Variants in ALPK2 observed in about 807,000 individuals in gnomAD.
The protein encoded by ALPK2 is alpha-protein kinase 2.
In ALPK2, 127 loss-of-function variants were observed where a neutral mutation model predicts 163.1. That is an observed-to-expected ratio of 0.78 (90% CI 0.67 to 0.90). The LOEUF is 0.90. Among genes scored for constraint, ALPK2 ranks in the 40% least tolerant of loss-of-function variants. The probability of loss-of-function intolerance (pLI) is 0.00; values close to 1 mark genes in which losing one functional copy is unlikely to be tolerated. For missense variants in ALPK2, 2,360 were observed against 2,589.6 expected (o/e 0.91, Z 1.92); for synonymous variants, 953 against 959.1 (o/e 0.99, Z 0.12).
intron 4 of ALPK2, 43 bp downstream of exon 4, chr18:58,578,771 C>CACACACACACACACACACACACT: frequency 5.1e-6 from 8 of 1,562,110 alleles, no homozygotes; most frequent in African/African-American, 1.4e-5. Context: ...CACACACACA[C>CACACACACACACACACACACACT]GGTTCTTTTT....
intron 4 of ALPK2, among the ~76,000 whole-genome samples, chr18:58,539,691 G>A (rs878860967): frequency 5.3e-5 from 8 of 152,186 alleles, no homozygotes; most frequent in Non-Finnish European, 7.3e-5. Context: ...CTGTCTCCCA[G>A]CGTATGACAA....
chr18:58,510,668 A>G (rs1057336817), intron 10 of ALPK2, among the ~76,000 whole-genome samples: 3 of 152,196 alleles, frequency 2.0e-5, no homozygotes, highest in Non-Finnish European at 4.4e-5. Flanking sequence ...GAGTTCACTC[A>G]TGATTTGGCT....
At chr18:58,604,489 C>T (rs1354257862) in intron 3 of ALPK2, among the ~76,000 whole-genome samples, 1 of 152,102 alleles carries the variant, frequency 6.6e-6, no homozygotes, top group Non-Finnish European at 1.5e-5. Flanking sequence ...TGGTCAAGCG[C>T]GAAGCCCAAG....
chr18:58,503,849 T>A (rs925495794), intron 11 of ALPK2, 82 bp downstream of exon 11: 4 of 1,367,250 alleles, frequency 2.9e-6, no homozygotes, highest in Non-Finnish European at 4.0e-6. Context: ...CTATCCTTCC[T>A]CTCCCTCCCC....
intron 8 of ALPK2, among the ~76,000 whole-genome samples, chr18:58,521,623 C>CTTTTTTTTTTTTTTTTT: frequency 1.8e-5 from 1 of 54,420 alleles, no homozygotes; most frequent in Non-Finnish European, 3.9e-5. Context: ...TTCTTTCTCT[C>CTTTTTTTTTTTTTTTTT]TCTCTTTTTT....
intron 3 of ALPK2, among the ~76,000 whole-genome samples, chr18:58,594,233 A>G (rs2052030341): frequency 6.6e-6 from 1 of 152,170 alleles, no homozygotes; most frequent in African/African-American, 2.4e-5. Context: ...TCTGGGAGCA[A>G]CGCAGACCCA....
intron 4 of ALPK2, among the ~76,000 whole-genome samples, chr18:58,551,203 A>G: frequency 6.6e-6 from 1 of 152,258 alleles, no homozygotes; most frequent in East Asian, 1.9e-4. Flanking sequence ...AATGACCACA[A>G]ACTGGGCAGC....
chr18:58,513,872 T>TA (rs35585637), intron 10 of ALPK2, among the ~76,000 whole-genome samples: 4 of 151,878 alleles, frequency 2.6e-5, no homozygotes, highest in African/African-American at 9.7e-5. Flanking sequence ...CCATGTCTCT[T>TA]AAAAAAAATA....
rs141939883 is a variant in ALPK2 at position 58,481,392 on chromosome 18, G to T, written c.*431C>A. ...ACAACTTGATCCAGTGAGCGAATTCGTGATTTCTGTTTACATCACAGCAGG... is the reference window on the plus strand; with the variant it reads ...ACAACTTGATCCAGTGAGCGAATTCTTGATTTCTGTTTACATCACAGCAGG... On this transcript the variant is annotated 3_prime_UTR_variant, in exon 13 of 13. Transcript: ENST00000361673. 4.4e-4 allele frequency: 73 copies of T among 167,400 alleles called. No individual in the cohort carries two copies. Among genetic ancestry groups the T allele is most frequent in the African/African-American group, 1.7e-3 (71 of 41,782 alleles). The allele number at this position is 167,400 out of a possible 1,614,324, so 10.4% of individuals were successfully genotyped here. A position where few individuals can be genotyped will look rare whatever the true frequency, so the allele number is the denominator to read the frequency against.
chr18:58,584,451 G>C (rs566306604), intron 3 of ALPK2, among the ~76,000 whole-genome samples: 1 of 152,360 alleles, frequency 6.6e-6, no homozygotes, highest in East Asian at 1.9e-4. Context: ...AAGCCATAGA[G>C]CCGGGATAAG....
At chr18:58,617,498 T>C (rs2052176125) in intron 1 of ALPK2, among the ~76,000 whole-genome samples, 1 of 152,174 alleles carries the variant, frequency 6.6e-6, no homozygotes, top group African/African-American at 2.4e-5. Context: ...ACTTCTTTCT[T>C]TTTAAAAATT....
intron 3 of ALPK2, among the ~76,000 whole-genome samples, chr18:58,597,758 T>A (rs548969905): frequency 6.6e-6 from 1 of 152,312 alleles, no homozygotes; most frequent in African/African-American, 2.4e-5. Flanking sequence ...CACCAAGTCA[T>A]ATGTTGAAGC....
intron 9 of ALPK2, 138 bp from the exon 10 acceptor site, chr18:58,515,219 G>A: frequency 1.8e-6 from 1 of 571,316 alleles, no homozygotes; most frequent in Non-Finnish European, 2.9e-6. Flanking sequence ...TGGGGTCACA[G>A]AGGCAACGAT....
chr18:58,613,418 G>A lies in ALPK2; in HGVS notation c.-20-1601C>T, dbSNP rs2052145190. 2.6e-5 allele frequency among the ~76,000 whole-genome samples: 4 copies of A among 152,118 alleles called. No individual in the cohort carries two copies. The South Asian group carries it at 6.2e-4, about 24-fold the overall frequency. ...TTAAACCAAAGACAGCACCTGGCCCGGCATGGTGGCTCACGCCTCTCATCC... is the reference window on the plus strand; with the variant it reads ...TTAAACCAAAGACAGCACCTGGCCCAGCATGGTGGCTCACGCCTCTCATCC... On this transcript the variant is annotated intron_variant, in intron 1 of 12. Transcript: ENST00000361673.
intron 1 of ALPK2, among the ~76,000 whole-genome samples, chr18:58,620,297 A>G (rs1295923729): frequency 6.6e-6 from 1 of 152,248 alleles, no homozygotes. Context: ...TCTCAAAACA[A>G]AAAAACAAAC....
intron 3 of ALPK2, among the ~76,000 whole-genome samples, chr18:58,584,230 C>T (rs1160346774): frequency 6.6e-6 from 1 of 152,202 alleles, no homozygotes; most frequent in Non-Finnish European, 1.5e-5. Context: ...ATTAACTTCT[C>T]ACTGGCTAAT....
At chr18:58,611,428 T>C (rs2052130536) in intron 2 of ALPK2, among the ~76,000 whole-genome samples, 1 of 152,128 alleles carries the variant, frequency 6.6e-6, no homozygotes, top group South Asian at 2.1e-4. Context: ...GTGGATTATC[T>C]GAAAAAAATA....
intron 4 of ALPK2, 160 bp from the exon 5 acceptor site, chr18:58,538,384 G>T: frequency 4.3e-5 from 30 of 693,426 alleles, no homozygotes; most frequent in Admixed American, 3.5e-5. Context: ...AGCTATTAGA[G>T]ATTTCCTAGA....
intron 6 of ALPK2, 154 bp downstream of exon 6, chr18:58,528,937 C>T (rs1388667410): frequency 6.5e-6 from 6 of 918,150 alleles, no homozygotes; most frequent in Non-Finnish European, 9.8e-6. Flanking sequence ...CACTTGTCTT[C>T]CGATATTTAG....
Sources: gnomAD v4.1 joint callset for allele counts (sites outside exome capture counted in the v4.1 genomes callset) on GRCh38, gnomAD v4.1.1 for gene constraint, MANE v1.5 for transcripts, NCBI Gene and HGNC (gene_info 2026-07-23, HGNC 2026-07-21) for gene names.